Variants in LAMA2 observed in about 807,000 individuals in gnomAD.
LAMA2 encodes laminin subunit alpha-2.
LAMA2 carries 269 observed loss-of-function variants against 364.8 expected under a neutral mutation model. The observed-to-expected ratio is 0.74, with a 90% CI of 0.67 to 0.82. LAMA2 has a LOEUF of 0.82. Among genes scored for constraint, LAMA2 ranks in the 40% least tolerant of loss-of-function variants. LAMA2 has a pLI of 0.00. For missense variants in LAMA2, 3,807 were observed against 3,873.2 expected (o/e 0.98, Z 0.45); for synonymous variants, 1,379 against 1,370.6 (o/e 1.01, Z -0.14).
At chr6:129,050,117 C>G in intron 2 of LAMA2, 29 bp downstream of exon 2, 1 of 1,611,328 alleles carries the variant, frequency 6.2e-7, no homozygotes, top group South Asian at 1.1e-5. Context: ...AGGTGTGTGG[C>G]GCTGGGTAGG....
chr6:129,083,449 T>C (rs1200246218), intron 3 of LAMA2, among the ~76,000 whole-genome samples: 1 of 152,170 alleles, frequency 6.6e-6, no homozygotes, highest in Non-Finnish European at 1.5e-5. Flanking sequence ...GTGATACATT[T>C]CTATCAATAA....
chr6:129,453,189 T>C (rs959010689), intron 46 of LAMA2, 58 bp downstream of exon 46: 2 of 1,484,430 alleles, frequency 1.3e-6, no homozygotes, highest in African/African-American at 2.8e-5. Context: ...TAGAGGTTAA[T>C]CTGAAAATGT....
chr6:129,149,180 G>T, intron 7 of LAMA2, 84 bp downstream of exon 7: 1 of 851,406 alleles, frequency 1.2e-6, no homozygotes, highest in Non-Finnish European at 2.0e-6. Context: ...GAAATGGCTG[G>T]TTATGCAAAT....
chr6:129,137,025 A>C (rs865835853), intron 4 of LAMA2, among the ~76,000 whole-genome samples: 1 of 152,170 alleles, frequency 6.6e-6, no homozygotes, highest in Non-Finnish European at 1.5e-5. Flanking sequence ...TCTAAGAAGG[A>C]AAGACCTGTT....
At chr6:129,196,886 A>G (rs1191345155) in intron 12 of LAMA2, among the ~76,000 whole-genome samples, 1 of 152,126 alleles carries the variant, frequency 6.6e-6, no homozygotes, top group Non-Finnish European at 1.5e-5. Flanking sequence ...AAATTCTAAG[A>G]CCCCTGACTG....
chr6:129,173,582 A>G (rs563338485), intron 9 of LAMA2, among the ~76,000 whole-genome samples: 50 of 152,296 alleles, frequency 3.3e-4, no homozygotes, highest in African/African-American at 1.2e-3. Flanking sequence ...CCAATAATTA[A>G]TGCTTATAAT....
rs757861030 is a variant in LAMA2 at position 129,291,595 on chromosome 6, G to C, written c.2750-19G>C. On this transcript the variant is annotated intron_variant, in intron 19 of 64. Transcript: ENST00000421865. The stretch of plus-strand genomic sequence containing the variant: ...TATTAGAAAGTTTTCCTGATCACAG[G>C]TCTCTCTTCTCTTTGCAGCCTGTCG... 6.3e-7 allele frequency: 1 copy of C among 1,588,380 alleles called. No homozygotes were observed. Among genetic ancestry groups the C allele is most frequent in the East Asian group, 2.2e-5 (1 of 44,722 alleles).
chr6:128,991,676 T>C (rs1167321542), intron 1 of LAMA2, among the ~76,000 whole-genome samples: 1 of 152,234 alleles, frequency 6.6e-6, no homozygotes, highest in Non-Finnish European at 1.5e-5. Context: ...AAACTTATGA[T>C]TGACTATGAA....
chr6:129,176,726 C>A, intron 9 of LAMA2, among the ~76,000 whole-genome samples: 1 of 151,944 alleles, frequency 6.6e-6, no homozygotes, highest in African/African-American at 2.4e-5. Context: ...TATTTCACAA[C>A]TTTTTTTTCT....
intron 12 of LAMA2, among the ~76,000 whole-genome samples, chr6:129,214,214 G>A (rs1423040997): frequency 6.6e-6 from 1 of 152,138 alleles, no homozygotes; most frequent in African/African-American, 2.4e-5. Context: ...TCAAGTTCTG[G>A]TGAGAGTCTT....
At chr6:129,028,529 T>C (rs1785996142) in intron 1 of LAMA2, among the ~76,000 whole-genome samples, 1 of 151,872 alleles carries the variant, frequency 6.6e-6, no homozygotes, top group Non-Finnish European at 1.5e-5. Flanking sequence ...AAAGACAAAA[T>C]ATATATCTCA....
chr6:129,193,402 C>T (rs988669757), intron 12 of LAMA2, among the ~76,000 whole-genome samples: 1 of 152,158 alleles, frequency 6.6e-6, no homozygotes, highest in Non-Finnish European at 1.5e-5. Flanking sequence ...CTAAAAGTGC[C>T]AGATTGGAAG....
At chr6:129,053,566 GA>G (rs889627989) in intron 2 of LAMA2, among the ~76,000 whole-genome samples, 5 of 151,920 alleles carry the variant, frequency 3.3e-5, no homozygotes, top group African/African-American at 4.8e-5. Context: ...GATTTCAAGG[GA>G]AAAAAATCAG....
intron 31 of LAMA2, among the ~76,000 whole-genome samples, chr6:129,351,994 T>C (rs1776876769): frequency 6.6e-6 from 1 of 152,226 alleles, no homozygotes; most frequent in Non-Finnish European, 1.5e-5. Context: ...CAGCTAAAGA[T>C]GGTCTATGAT....
chr6:129,185,437 A>C (rs894378144), intron 10 of LAMA2, among the ~76,000 whole-genome samples: 2 of 151,894 alleles, frequency 1.3e-5, no homozygotes, highest in African/African-American at 4.8e-5. Context: ...ACTAAAGAAA[A>C]AAAAGACAGC....
intron 40 of LAMA2, among the ~76,000 whole-genome samples, chr6:129,414,823 C>G (rs956704740): frequency 6.6e-6 from 1 of 152,200 alleles, no homozygotes. Context: ...ACTAAGCTCA[C>G]AGCTCCAGGA....
At chr6:129,018,051 GA>G (rs1785188585) in intron 1 of LAMA2, among the ~76,000 whole-genome samples, 1 of 150,976 alleles carries the variant, frequency 6.6e-6, no homozygotes, top group Non-Finnish European at 1.5e-5. Context: ...ACTTTGCATG[GA>G]AAAAACTACA....
At chr6:129,181,455 A>C (rs1039333087) in intron 10 of LAMA2, among the ~76,000 whole-genome samples, 1 of 152,084 alleles carries the variant, frequency 6.6e-6, no homozygotes, top group African/African-American at 2.4e-5. Context: ...TAAACAAAGA[A>C]GGAATAGAAA....
At chr6:128,916,905 T>A (rs1319156189) in intron 1 of LAMA2, among the ~76,000 whole-genome samples, 1 of 152,190 alleles carries the variant, frequency 6.6e-6, no homozygotes, top group African/African-American at 2.4e-5. Context: ...GATGGTAAGA[T>A]TGGATCTGAT....
Sources: allele counts gnomAD v4.1 joint callset (sites outside exome capture counted in the v4.1 genomes callset), GRCh38; gene constraint gnomAD v4.1.1; transcripts MANE v1.5; gene names NCBI Gene and HGNC (gene_info 2026-07-23, HGNC 2026-07-21).